The following NAV2 variants were observed in gnomAD, a reference collection of about 807,000 sequenced individuals.
NAV2 encodes neuron navigator 2, also known as helicase, APC down-regulated 1.
NAV2 carries 54 observed loss-of-function variants against 223.2 expected under a neutral mutation model. The ratio of observed to expected loss-of-function variants is 0.24; its 90% CI spans 0.19 to 0.30. NAV2 has a LOEUF of 0.30. Among genes scored for constraint, NAV2 ranks in the 10% least tolerant of loss-of-function variants. The pLI, the probability that NAV2 is intolerant of heterozygous loss-of-function variation, is 1.00. For missense variants in NAV2, 2,806 were observed against 3,147.5 expected (o/e 0.89, Z 2.60); for synonymous variants, 1,279 against 1,239.3 (o/e 1.03, Z -0.67).
rs2062941555 is a variant in NAV2 at position 19,877,697 on chromosome 11, C to G, written c.512-2172C>G. 3.9e-5 allele frequency among the ~76,000 whole-genome samples: 6 copies of G among 151,982 alleles called. 1 individual carries two copies. The South Asian group carries it at 1.2e-3, about 32-fold the overall frequency. On this transcript the variant is annotated intron_variant, in intron 4 of 37. Coordinates refer to ENST00000349880, the MANE Select transcript of NAV2 (RefSeq NM_145117.5). ...CCGTGTTAGCCAGGATGGTCTCAAT[C>G]TCCTGACCTCGTGATCCACCCACCT...
chr11:19,538,282 C>G (rs2044244365), intron 1 of NAV2, among the ~76,000 whole-genome samples: 3 of 152,310 alleles, frequency 2.0e-5, no homozygotes, highest in Admixed American at 2.0e-4. Context: ...TTTGCCTCTT[C>G]CCTGAGCTGT....
chr11:19,351,025 A>T, exon 1 of NAV2: 1 of 1,551,290 alleles, frequency 6.4e-7, no homozygotes, highest in Non-Finnish European at 8.7e-7. Flanking sequence ...AGATCAAAAG[A>T]GGGTAAGTGG....
In NAV2 at chr11:19,946,490, G is replaced by A; in HGVS notation, c.2236G>A (p.Gly746Arg). The A allele has an allele frequency of 6.2e-7, 1 of 1,613,332 alleles. No individual in the cohort carries two copies. The highest frequency in any genetic ancestry group is 8.5e-7 in the Non-Finnish European group (1 of 1,179,712). Residue 746 changes from glycine (G) to arginine (R), a missense_variant, in exon 9 of 38, where the codon GGA becomes AGA. Physicochemically the swap from Gly to Arg is moderately radical, Grantham distance 125. Around this residue, in one of 4 missense-constraint regions of NAV2, gnomAD observed 1,167 missense variants for 1,180.5 expected, o/e 0.99. Transcript: ENST00000349880. Reference protein sequence around the residue: ...NLEETMSSLRGTQVTHSTLET... With the variant: ...NLEETMSSLRRTQVTHSTLET... ...GGAGGAAACCATGTCCAGTTTAAGG[G>A]GAACTCAGGTTACACACAGGTATCT...
At chr11:19,544,910 CA>C (rs35512933) in intron 1 of NAV2, among the ~76,000 whole-genome samples, 5 of 152,180 alleles carry the variant, frequency 3.3e-5, no homozygotes, top group Admixed American at 6.5e-5. Flanking sequence ...CCTGCCTCAC[CA>C]AAATGTTGCT....
At chr11:20,029,495 T>A (rs1564878286) in intron 11 of NAV2, among the ~76,000 whole-genome samples, 2 of 152,222 alleles carry the variant, frequency 1.3e-5, no homozygotes, top group Admixed American at 6.5e-5. Context: ...GGAACCAGTG[T>A]TGTTTCCACT....
rs770974325 is a variant in NAV2 at position 19,832,592 on chromosome 11, C to G, written c.376C>G (p.Gln126Glu). ...TGGCGTCCTCCTGGCCCAGATTATCCAGGTTGTGGGTAAGAGCAGATTTTA... is the reference window on the plus strand; with the variant it reads ...TGGCGTCCTCCTGGCCCAGATTATCGAGGTTGTGGGTAAGAGCAGATTTTA... ...TDGVLLAQII[Q>E]VVANEKIEDI... The change falls in exon 2 of 38, where the codon CAG (glutamine) becomes GAG (glutamate). Residue 126 changes from glutamine (Q) to glutamate (E), a missense_variant. By Grantham distance (29) the Gln-to-Glu change is conservative. This residue lies in a region of NAV2 where 1,167 missense variants were observed against 1,180.5 expected (regional missense o/e 0.99). Coordinates refer to ENST00000349880, the MANE Select transcript of NAV2 (RefSeq NM_145117.5). 6.8e-6 allele frequency: 11 copies of G among 1,614,002 alleles called. No individual in the cohort carries two copies. Among genetic ancestry groups the G allele is most frequent in the Non-Finnish European group, 8.5e-7 (1 of 1,179,884 alleles).
chr11:19,797,427 A>G (rs1048443683), intron 1 of NAV2, among the ~76,000 whole-genome samples: 4 of 152,212 alleles, frequency 2.6e-5, no homozygotes, highest in African/African-American at 9.6e-5. Context: ...CTAGGTTCTT[A>G]AAAGCATTTT....
At chr11:19,830,844 C>T (rs1430836096) in intron 1 of NAV2, among the ~76,000 whole-genome samples, 1 of 152,128 alleles carries the variant, frequency 6.6e-6, no homozygotes, top group Non-Finnish European at 1.5e-5. Context: ...GTGATGGGGT[C>T]TACTTCCTGA....
chr11:19,722,884 T>G (rs1391678511), intron 1 of NAV2, among the ~76,000 whole-genome samples: 1 of 152,200 alleles, frequency 6.6e-6, no homozygotes, highest in African/African-American at 2.4e-5. Flanking sequence ...CAACACCAGG[T>G]CTTAGGGAAA....
chr11:19,490,695 C>T (rs557134108), intron 1 of NAV2, among the ~76,000 whole-genome samples: 1 of 152,344 alleles, frequency 6.6e-6, no homozygotes, highest in Non-Finnish European at 1.5e-5. Flanking sequence ...GAATCAACTT[C>T]TTCCGAATTT....
At chr11:19,714,446 G>A (rs1281916501) in intron 1 of NAV2, 3 of 457,204 alleles carry the variant, frequency 6.6e-6, no homozygotes, top group Non-Finnish European at 1.3e-5. Flanking sequence ...AGGGGATCGC[G>A]GGTGGCAGTG....
At chr11:20,017,077 C>T (rs2054075766) in intron 11 of NAV2, among the ~76,000 whole-genome samples, 1 of 152,022 alleles carries the variant, frequency 6.6e-6, no homozygotes, top group Admixed American at 6.6e-5. Context: ...CTTGCTTATC[C>T]TTTAGGTCCT....
At chr11:19,890,065 G>C (rs986011537) in intron 5 of NAV2, among the ~76,000 whole-genome samples, 3 of 152,180 alleles carry the variant, frequency 2.0e-5, no homozygotes, top group African/African-American at 7.2e-5. Flanking sequence ...GACGAGAAAG[G>C]AAACTAACAT....
intron 1 of NAV2, among the ~76,000 whole-genome samples, chr11:19,736,169 C>T (rs1191344412): frequency 6.6e-6 from 1 of 152,198 alleles, no homozygotes; most frequent in Non-Finnish European, 1.5e-5. Context: ...CAACTAGCTC[C>T]AGACACAAAC....
At chr11:19,415,189 G>T (rs942318629) in intron 1 of NAV2, among the ~76,000 whole-genome samples, 2 of 152,098 alleles carry the variant, frequency 1.3e-5, no homozygotes, top group Non-Finnish European at 2.9e-5. Context: ...CAAAGAGATA[G>T]ACTGCTAGCC....
At chr11:19,939,527 A>G (rs1012353808) in intron 7 of NAV2, 134 bp from the exon 8 acceptor site, 1 of 611,012 alleles carries the variant, frequency 1.6e-6, no homozygotes, top group African/African-American at 1.8e-5. Flanking sequence ...ATTTAGCGTC[A>G]GTCTGCTGGT....
chr11:20,042,244 T>C (rs1040082066), intron 12 of NAV2, among the ~76,000 whole-genome samples: 1 of 152,238 alleles, frequency 6.6e-6, no homozygotes, highest in Non-Finnish European at 1.5e-5. Flanking sequence ...CTTGTGTACT[T>C]ACCCTTTCTG....
At chr11:19,355,048 A>G (rs1853539212) in intron 1 of NAV2, among the ~76,000 whole-genome samples, 2 of 152,226 alleles carry the variant, frequency 1.3e-5, no homozygotes. Context: ...GAGAAATTCA[A>G]TGAGGTAAGT....
At chr11:19,493,165 C>T (rs926035421) in intron 1 of NAV2, among the ~76,000 whole-genome samples, 9 of 151,894 alleles carry the variant, frequency 5.9e-5, no homozygotes, top group South Asian at 2.1e-4. Context: ...TACTCCCCTG[C>T]CCCCTCCCCT....
Sources: allele counts gnomAD v4.1 joint callset (sites outside exome capture counted in the v4.1 genomes callset), GRCh38; gene constraint gnomAD v4.1.1; regional missense constraint gnomAD v4.1.1; transcripts MANE v1.5; gene names NCBI Gene and HGNC (gene_info 2026-07-23, HGNC 2026-07-21).